Variants in PRKAA2 observed in about 807,000 individuals in gnomAD.
The protein encoded by PRKAA2 is 5'-AMP-activated protein kinase catalytic subunit alpha-2.
A neutral mutation model predicts 56.3 loss-of-function variants in PRKAA2; 40 were observed. That is an observed-to-expected ratio of 0.71 (90% CI 0.55 to 0.92). The LOEUF is 0.92. PRKAA2 is among the 40% of genes least tolerant of loss of function. The pLI is 0.00. For synonymous variants in PRKAA2, 214 were observed against 234.2 expected, an observed-to-expected ratio of 0.91 and a Z score of 0.79; for missense variants, 542 against 686.9, an observed-to-expected ratio of 0.79 and a Z score of 2.36.
intron 7 of PRKAA2, among the ~76,000 whole-genome samples, chr1:56,705,809 G>A (rs1644328159): frequency 6.6e-6 from 1 of 152,124 alleles, no homozygotes; most frequent in Non-Finnish European, 1.5e-5. Context: ...AGTGAAAGCT[G>A]GACCCTATGT....
chr1:56,689,472 T>A (rs1644212707), intron 2 of PRKAA2, among the ~76,000 whole-genome samples: 1 of 152,136 alleles, frequency 6.6e-6, no homozygotes, highest in East Asian at 1.9e-4. Context: ...AATCCCAGCA[T>A]TTTGGGAGGC....
At chr1:56,647,438 A>T (rs1266408383) in intron 1 of PRKAA2, among the ~76,000 whole-genome samples, 2 of 152,254 alleles carry the variant, frequency 1.3e-5, no homozygotes, top group East Asian at 3.8e-4. Context: ...TACTCATCAG[A>T]TCAATCAGTC....
At chr1:56,656,093 G>GA (rs1643938989) in intron 1 of PRKAA2, among the ~76,000 whole-genome samples, 2 of 152,098 alleles carry the variant, frequency 1.3e-5, no homozygotes, top group South Asian at 2.1e-4. Flanking sequence ...TTCTAGGACT[G>GA]AAAAAATACA....
At chr1:56,706,060 A>G (rs1279715370) in intron 7 of PRKAA2, 32 bp from the exon 8 acceptor site, 1 of 1,558,908 alleles carries the variant, frequency 6.4e-7, no homozygotes, top group Admixed American at 1.8e-5. Context: ...GATATTTTGT[A>G]GTTTATTATT....
intron 2 of PRKAA2, among the ~76,000 whole-genome samples, chr1:56,686,281 G>T (rs7415042): frequency 0.54 from 82,153 of 151,948 alleles, 22,748 homozygotes; most frequent in African/African-American, 0.66. Context: ...AAAGATTTTA[G>T]CATTGCCAAA....
Position 56,710,552 on chromosome 1 carries a change from ATAAT to A in PRKAA2, c.*2843_*2846del, listed in dbSNP as rs1644363286. ...CAGAATGCCATAATTAGGGTAGTTA[ATAAT>A]TAACACTTCCATTTCTCTTACTGGT... On this transcript the variant is annotated 3_prime_UTR_variant, in exon 9 of 9. Coordinates refer to ENST00000371244, the MANE Select transcript of PRKAA2 (RefSeq NM_006252.4). 1 of 152,152 alleles carries A rather than the reference ATAAT, an allele frequency of 6.6e-6. No individual in the cohort carries two copies. The highest frequency in any genetic ancestry group is 2.4e-5 in the African/African-American group (1 of 41,450). The allele number at this position is 152,152 out of a possible 1,614,324, so 9.4% of individuals were successfully genotyped here.
At chr1:56,673,540 A>G (rs935762031) in intron 1 of PRKAA2, among the ~76,000 whole-genome samples, 2 of 152,164 alleles carry the variant, frequency 1.3e-5, no homozygotes, top group African/African-American at 4.8e-5. Context: ...GTAGCTGACA[A>G]ATTTGTTCTT....
rs779680544 is a variant in PRKAA2, at chr1:56,645,465, C to A, written c.78C>A (p.Thr26=). 7 of 1,499,452 alleles carry A rather than the reference C, an allele frequency of 4.7e-6. No homozygotes were observed. In the Admixed American group the frequency reaches 8.2e-5, roughly 17 times the overall value. 92.9% of individuals were successfully genotyped at this position (1,499,452 alleles called of 1,614,324 possible). A position where few individuals can be genotyped will look rare whatever the true frequency, so the allele number is the denominator to read the frequency against. The change falls in exon 1 of 9, where the codon ACC becomes ACA. Residue 26 remains threonine, a synonymous_variant. Coordinates refer to ENST00000371244, the MANE Select transcript of PRKAA2 (RefSeq NM_006252.4). ...TGGGCGACACGCTGGGCGTCGGCAC[C>A]TTCGGCAAAGTGAAGAGTTGAGTAC... ...YVLGDTLGVG[T]FGKVKIGEHQ...
chr1:56,703,998 G>A lies in PRKAA2; in HGVS notation c.816G>A (p.Leu272=). Residue 272 remains leucine (L), a synonymous_variant, in exon 7 of 9, where the codon TTG becomes TTA. Coordinates refer to ENST00000371244, the MANE Select transcript of PRKAA2 (RefSeq NM_006252.4). The part of the protein sequence containing the change: ...IREHEWFKQD[L]PSYLFPEDPS... ...AGCATGAATGGTTTAAACAAGATTT[G>A]CCCAGTTACTTATTTCCTGAAGACC... The A allele has an allele frequency of 1.2e-6, 2 of 1,611,192 alleles. No homozygotes were observed. Among genetic ancestry groups the A allele is most frequent in the African/African-American group, 1.3e-5 (1 of 74,976 alleles).
intron 2 of PRKAA2, 22 bp downstream of exon 2, chr1:56,674,544 A>T: frequency 7.1e-7 from 1 of 1,412,566 alleles, no homozygotes; most frequent in Non-Finnish European, 9.5e-7. Flanking sequence ...TGTATCTAAT[A>T]ATACCAAAGA....
rs1644378577 is a variant in PRKAA2, at chr1:56,712,915, G to T, written c.*5202G>T. 1 of 151,696 alleles carries T rather than the reference G, an allele frequency of 6.6e-6. No homozygotes were observed. The highest frequency in any genetic ancestry group is 2.4e-5 in the African/African-American group (1 of 41,360). 9.4% of individuals were successfully genotyped at this position (151,696 alleles called of 1,614,324 possible). On this transcript the variant is annotated 3_prime_UTR_variant, in exon 9 of 9. Transcript: ENST00000371244. ...CCCTGTCTAAATTGTTATAGTTTTT[G>T]ACTATTATCTGAATTAGTCTTATCC...
At position 56,706,110 on chromosome 1, in the gene PRKAA2, C is replaced by T. The variant is rs200975038; in HGVS notation, c.1312C>T (p.Leu438Phe). The stretch of plus-strand genomic sequence containing the variant: ...ACTTTAGGTAGTGAATGCATACCAT[C>T]TTCGTGTAAGAAGAAAAAATCCAGT... ...FEWKVVNAYH[L>F]RVRRKNPVTG... is the part of the protein sequence containing the mutation. Residue 438 changes from leucine (L) to phenylalanine (F), a missense_variant, in exon 8 of 9, where the codon CTT (leucine) becomes TTT (phenylalanine). By Grantham distance (22) the Leu-to-Phe change is conservative. Transcript: ENST00000371244. 6.2e-7 allele frequency: 1 copy of T among 1,610,826 alleles called. No individual in the cohort carries two copies. The highest frequency in any genetic ancestry group is 2.2e-5 in the East Asian group (1 of 44,820).
intron 1 of PRKAA2, among the ~76,000 whole-genome samples, chr1:56,650,406 G>A (rs1646677684): frequency 6.6e-6 from 1 of 152,058 alleles, no homozygotes; most frequent in Non-Finnish European, 1.5e-5. Context: ...TCTCTATATT[G>A]ACTGTTTAGG....
intron 5 of PRKAA2, among the ~76,000 whole-genome samples, chr1:56,694,062 C>T (rs1160987497): frequency 6.6e-6 from 1 of 151,880 alleles, no homozygotes; most frequent in Non-Finnish European, 1.5e-5. Context: ...CGAAGTTTTC[C>T]CCATTAGAAA....
chr1:56,705,669 G>C (rs937785757), intron 7 of PRKAA2, among the ~76,000 whole-genome samples: 1 of 152,126 alleles, frequency 6.6e-6, no homozygotes, highest in African/African-American at 2.4e-5. Flanking sequence ...CAAAGTGTTG[G>C]AATTACAGGC....
At chr1:56,706,332 G>A (rs1398874989) in intron 8 of PRKAA2, 114 bp downstream of exon 8, 4 of 1,284,036 alleles carry the variant, frequency 3.1e-6, no homozygotes, top group Non-Finnish European at 4.2e-6. Flanking sequence ...TGGTTTTTAA[G>A]CAATCTAGAC....
intron 2 of PRKAA2, among the ~76,000 whole-genome samples, chr1:56,676,345 C>CA (rs1157360114): frequency 6.6e-6 from 1 of 152,018 alleles, no homozygotes; most frequent in Non-Finnish European, 1.5e-5. Flanking sequence ...AAGGTCTGAA[C>CA]ATAGAAACAA....
At chr1:56,655,280 A>ATATATATATATATTTTTTTTT in intron 1 of PRKAA2, among the ~76,000 whole-genome samples, 4 of 93,654 alleles carry the variant, frequency 4.3e-5, no homozygotes, top group East Asian at 9.4e-4. Flanking sequence ...ATATATATAT[A>ATATATATATATATTTTTTTTT]TTTTTTTTTT....
intron 1 of PRKAA2, among the ~76,000 whole-genome samples, chr1:56,661,916 C>A (rs1055999761): frequency 6.6e-6 from 1 of 151,338 alleles, no homozygotes; most frequent in Admixed American, 6.6e-5. Context: ...TTTCACTTGT[C>A]TTTTTGAGTT....
Sources: allele counts gnomAD v4.1 joint callset (sites outside exome capture counted in the v4.1 genomes callset), GRCh38; gene constraint gnomAD v4.1.1; transcripts MANE v1.5; gene names NCBI Gene and HGNC (gene_info 2026-07-23, HGNC 2026-07-21).